MTMR7: variants seen among roughly 807,000 people sequenced by gnomAD.
MTMR7 encodes myotubularin related protein 7.
A neutral mutation model predicts 81.2 loss-of-function variants in MTMR7; 76 were observed. The ratio of observed to expected loss-of-function variants is 0.94; its 90% confidence interval spans 0.78 to 1.13. The LOEUF (loss-of-function observed/expected upper bound fraction) is 1.13, where lower values mean the gene tolerates loss of function less well. MTMR7 is among the 50% of genes most tolerant of loss of function. The pLI is 0.00. For synonymous variants in MTMR7, 372 were observed against 289.8 expected, an observed-to-expected ratio of 1.28 and a Z score of -2.88; for missense variants, 1,044 against 820.0, an observed-to-expected ratio of 1.27 and a Z score of -3.34.
chr8:17,323,975 A>G (rs1818539560), intron 7 of MTMR7, among the ~76,000 whole-genome samples: 2 of 152,202 alleles, frequency 1.3e-5, no homozygotes, highest in Non-Finnish European at 2.9e-5. Context: ...GCAAAATAAA[A>G]CATCGCTGAG....
chr8:17,310,976 A>G (rs1409865061), intron 9 of MTMR7, among the ~76,000 whole-genome samples: 1 of 152,162 alleles, frequency 6.6e-6, no homozygotes, highest in Non-Finnish European at 1.5e-5. Flanking sequence ...CTCAAACTCT[A>G]CAGGATATAC....
At chr8:17,332,248 C>A (rs1246662112) in intron 6 of MTMR7, among the ~76,000 whole-genome samples, 1 of 152,170 alleles carries the variant, frequency 6.6e-6, no homozygotes, top group East Asian at 1.9e-4. Flanking sequence ...TTTAAAAGCA[C>A]AGTGCACAAT....
intron 6 of MTMR7, among the ~76,000 whole-genome samples, chr8:17,338,158 T>A (rs998845416): frequency 6.6e-6 from 1 of 152,210 alleles, no homozygotes; most frequent in Admixed American, 6.5e-5. Context: ...CGTGCATGGA[T>A]AAATATGAGA....
At chr8:17,346,481 G>T (rs925829834) in intron 5 of MTMR7, among the ~76,000 whole-genome samples, 4 of 152,094 alleles carry the variant, frequency 2.6e-5, no homozygotes, top group Non-Finnish European at 4.4e-5. Flanking sequence ...AGGCCTGGAG[G>T]TTCAGTAAAA....
At chr8:17,363,987 T>A (rs1054835414) in intron 3 of MTMR7, among the ~76,000 whole-genome samples, 4 of 150,182 alleles carry the variant, frequency 2.7e-5, no homozygotes, top group African/African-American at 9.8e-5. Flanking sequence ...GAATTACAGT[T>A]TCATATATTT....
intron 1 of MTMR7, among the ~76,000 whole-genome samples, chr8:17,384,441 A>G (rs1170244964): frequency 2.0e-5 from 3 of 152,172 alleles, no homozygotes; most frequent in African/African-American, 4.8e-5. Context: ...AATTATTAAC[A>G]AACATATCCA....
chr8:17,372,968 A>G, intron 2 of MTMR7, 150 bp downstream of exon 2: 9 of 882,424 alleles, frequency 1.0e-5, no homozygotes, highest in Non-Finnish European at 1.5e-5. Context: ...ACTGCACAGA[A>G]AAAGTCCAAA....
chr8:17,389,754 C>A (rs537358961), intron 1 of MTMR7, among the ~76,000 whole-genome samples: 1 of 151,350 alleles, frequency 6.6e-6, no homozygotes, highest in Non-Finnish European at 1.5e-5. Context: ...AGAGCAGAGA[C>A]GGGGAAAAAA....
At chr8:17,311,706 C>T in intron 8 of MTMR7, 70 bp from the exon 9 acceptor site, 1 of 1,604,672 alleles carries the variant, frequency 6.2e-7, no homozygotes, top group African/African-American at 1.3e-5. Flanking sequence ...TCATCACAGC[C>T]AGGTTTGACT....
intron 7 of MTMR7, among the ~76,000 whole-genome samples, chr8:17,320,624 A>T (rs1177469713): frequency 1.3e-5 from 2 of 152,180 alleles, no homozygotes; most frequent in Non-Finnish European, 2.9e-5. Flanking sequence ...CATGGACCCA[A>T]TTGGAAGACA....
At chr8:17,383,884 T>C (rs1371326363) in intron 1 of MTMR7, among the ~76,000 whole-genome samples, 1 of 152,138 alleles carries the variant, frequency 6.6e-6, no homozygotes, top group Non-Finnish European at 1.5e-5. Flanking sequence ...GGAGGAACCA[T>C]GCAGGAACCA....
chr8:17,412,058 T>G (rs1821750448), intron 1 of MTMR7, among the ~76,000 whole-genome samples: 1 of 152,228 alleles, frequency 6.6e-6, no homozygotes. Flanking sequence ...TCTTCTAAGT[T>G]TACAATTTCA....
intron 7 of MTMR7, 97 bp from the exon 8 acceptor site, chr8:17,313,498 T>C (rs1817900826): frequency 1.3e-6 from 1 of 752,338 alleles, no homozygotes; most frequent in African/African-American, 1.8e-5. Flanking sequence ...ATTCCTTTGT[T>C]GTATTAGGTA....
At chr8:17,403,201 T>A (rs1035840670) in intron 1 of MTMR7, among the ~76,000 whole-genome samples, 1 of 152,222 alleles carries the variant, frequency 6.6e-6, no homozygotes. Flanking sequence ...CTGTGGGTTG[T>A]CTCTTTGCTT....
chr8:17,363,861 C>G (rs1377510541), intron 3 of MTMR7, among the ~76,000 whole-genome samples: 1 of 148,512 alleles, frequency 6.7e-6, no homozygotes, highest in African/African-American at 2.5e-5. Flanking sequence ...CTACTTTTAC[C>G]AAATATTTAG....
chr8:17,360,921 G>T (rs1820040084), intron 4 of MTMR7, among the ~76,000 whole-genome samples, 196 bp downstream of exon 4: 1 of 152,140 alleles, frequency 6.6e-6, no homozygotes. Flanking sequence ...GGGGTGATCT[G>T]TATAGCAGGT....
chr8:17,316,522 T>G (rs1057328476), intron 7 of MTMR7, among the ~76,000 whole-genome samples: 1 of 151,816 alleles, frequency 6.6e-6, no homozygotes, highest in Non-Finnish European at 1.5e-5. Flanking sequence ...TGTACCTGGA[T>G]TTCTATAAGT....
intron 1 of MTMR7, among the ~76,000 whole-genome samples, chr8:17,382,388 G>A (rs1462585542): frequency 6.6e-6 from 1 of 152,058 alleles, no homozygotes; most frequent in Admixed American, 6.5e-5. Flanking sequence ...CTTCTCTTGG[G>A]GAGTTAGGAA....
chr8:17,337,694 C>T (rs1819288544), intron 6 of MTMR7, among the ~76,000 whole-genome samples: 1 of 152,126 alleles, frequency 6.6e-6, no homozygotes, highest in African/African-American at 2.4e-5. Context: ...CAGGTCAGTG[C>T]AGCCTCAAAC....
Sources: allele counts gnomAD v4.1 joint callset (sites outside exome capture counted in the v4.1 genomes callset), GRCh38; gene constraint gnomAD v4.1.1; transcripts MANE v1.5; gene names NCBI Gene and HGNC (gene_info 2026-07-23, HGNC 2026-07-21).